MEI4: variants seen among roughly 807,000 people sequenced by gnomAD.
MEI4 encodes the protein meiotic double-stranded break formation protein 4.
Under a neutral mutation model 31.4 loss-of-function variants are expected in MEI4, and 27 were observed. That is an observed-to-expected ratio of 0.86 (90% CI 0.63 to 1.19). The LOEUF is 1.19. Ranked by LOEUF, MEI4 falls within the 50% of genes most tolerant of loss-of-function variation. The pLI is 0.00. For missense variants in MEI4, 329 were observed against 398.9 expected, an observed-to-expected ratio of 0.82 and a Z score of 1.49; for synonymous variants, 122 against 145.4, an observed-to-expected ratio of 0.84 and a Z score of 1.16.
At chr6:77,789,727 A>T (rs1210983564) in intron 3 of MEI4, among the ~76,000 whole-genome samples, 1 of 152,198 alleles carries the variant, frequency 6.6e-6, no homozygotes, top group Non-Finnish European at 1.5e-5. Context: ...ACCAGTTAGG[A>T]TGGCAATCAT....
chr6:77,750,974 T>C (rs932050942), intron 2 of MEI4, among the ~76,000 whole-genome samples: 12 of 152,118 alleles, frequency 7.9e-5, no homozygotes, highest in African/African-American at 2.4e-4. Context: ...CACTCAAAAC[T>C]GCACGACTGC....
In MEI4 at chr6:77,925,167, A is replaced by G. The variant is rs987239755; in HGVS notation, c.*1821A>G. 1.3e-5 allele frequency: 2 copies of G among 151,874 alleles called. No homozygotes were observed. Among genetic ancestry groups the G allele is most frequent in the African/African-American group, 4.8e-5 (2 of 41,392 alleles). The allele number at this position is 151,874 out of a possible 1,614,324, so 9.4% of individuals were successfully genotyped here. ...CAGCCAGCCAACGTAATGATCAGCT[A>G]AGAGACTTTTGGAGCTACAACAAAT... On this transcript the variant is annotated 3_prime_UTR_variant, in exon 5 of 5. Coordinates refer to ENST00000684080, the MANE Select transcript of MEI4 (RefSeq NM_001322247.2).
intron 2 of MEI4, among the ~76,000 whole-genome samples, chr6:77,736,518 A>G (rs1767236994): frequency 6.6e-6 from 1 of 151,922 alleles, no homozygotes; most frequent in South Asian, 2.1e-4. Context: ...GCACACACTG[A>G]CCTGCGCCCA....
chr6:77,666,410 C>T (rs1047312808), intron 1 of MEI4, among the ~76,000 whole-genome samples: 24 of 152,250 alleles, frequency 1.6e-4, no homozygotes, highest in African/African-American at 5.1e-4. Flanking sequence ...ACAGGGGATG[C>T]GATGGCTTGG....
At chr6:77,809,506 T>C (rs1769520383) in intron 3 of MEI4, among the ~76,000 whole-genome samples, 1 of 152,108 alleles carries the variant, frequency 6.6e-6, no homozygotes, top group African/African-American at 2.4e-5. Context: ...TTCTCTTATA[T>C]TTAGATTTTA....
At chr6:77,766,314 T>A (rs1210505792) in intron 3 of MEI4, among the ~76,000 whole-genome samples, 2 of 152,228 alleles carry the variant, frequency 1.3e-5, no homozygotes, top group East Asian at 3.8e-4. Context: ...TGATTCCCTC[T>A]AGTACTGTCG....
intron 4 of MEI4, among the ~76,000 whole-genome samples, chr6:77,883,744 A>ATATATATATATATATATAT (rs1491236242): frequency 1.2e-3 from 147 of 124,862 alleles, no homozygotes; most frequent in Non-Finnish European, 1.7e-3. Flanking sequence ...ATATATATAT[A>ATATATATATATATATATAT]ACTTTGTCTT....
intron 2 of MEI4, among the ~76,000 whole-genome samples, chr6:77,705,851 G>T: frequency 6.6e-6 from 1 of 152,184 alleles, no homozygotes; most frequent in East Asian, 1.9e-4. Context: ...TTAAATACAT[G>T]AGAGAATACC....
At chr6:77,826,255 A>G (rs1261319644) in intron 3 of MEI4, among the ~76,000 whole-genome samples, 8 of 152,204 alleles carry the variant, frequency 5.3e-5, no homozygotes, top group Non-Finnish European at 8.8e-5. Flanking sequence ...AGTTTATGGC[A>G]GGGCTAAATA....
intron 3 of MEI4, among the ~76,000 whole-genome samples, chr6:77,797,287 T>C (rs2127698541): frequency 6.6e-6 from 1 of 152,280 alleles, no homozygotes; most frequent in Middle Eastern, 3.4e-3. Flanking sequence ...TTGGCAGTGA[T>C]TTTTTGGATA....
At chr6:77,707,576 A>C (rs540794993) in intron 2 of MEI4, among the ~76,000 whole-genome samples, 17 of 152,328 alleles carry the variant, frequency 1.1e-4, no homozygotes, top group African/African-American at 3.8e-4. Flanking sequence ...TGCTTGACTA[A>C]AAGGGAGTCA....
intron 3 of MEI4, among the ~76,000 whole-genome samples, chr6:77,799,554 A>G (rs1017247862): frequency 6.6e-6 from 1 of 152,160 alleles, no homozygotes; most frequent in Admixed American, 6.5e-5. Context: ...TGTTTTAGAC[A>G]TGAAGTCATT....
chr6:77,761,933 C>T (rs935781628), intron 3 of MEI4, among the ~76,000 whole-genome samples: 2 of 152,158 alleles, frequency 1.3e-5, no homozygotes, highest in Non-Finnish European at 2.9e-5. Flanking sequence ...TATCAGCACC[C>T]TTGGATTCTT....
chr6:77,827,735 C>T (rs1231945088), intron 3 of MEI4, among the ~76,000 whole-genome samples: 3 of 152,060 alleles, frequency 2.0e-5, no homozygotes, highest in East Asian at 3.9e-4. Flanking sequence ...CCATGTCAGC[C>T]TTTCAAAAAA....
At chr6:77,823,055 A>T in intron 3 of MEI4, among the ~76,000 whole-genome samples, 1 of 152,270 alleles carries the variant, frequency 6.6e-6, no homozygotes, top group African/African-American at 2.4e-5. Flanking sequence ...TACATAACTA[A>T]TTTCAACTAT....
intron 4 of MEI4, among the ~76,000 whole-genome samples, chr6:77,893,489 T>C (rs998594435): frequency 2.0e-5 from 3 of 152,210 alleles, no homozygotes; most frequent in Non-Finnish European, 2.9e-5. Context: ...ATAACCGTCT[T>C]ATAGACATCT....
intron 4 of MEI4, among the ~76,000 whole-genome samples, chr6:77,908,846 A>G (rs1277061956): frequency 3.9e-5 from 6 of 152,128 alleles, no homozygotes; most frequent in African/African-American, 1.4e-4. Flanking sequence ...CCAGATTCAT[A>G]AAACAAGTCC....
chr6:77,827,332 G>A (rs1404356966), intron 3 of MEI4, among the ~76,000 whole-genome samples: 1 of 127,760 alleles, frequency 7.8e-6, no homozygotes, highest in Non-Finnish European at 1.6e-5. Context: ...CTGCACTCCA[G>A]CCTGGGTGAC....
chr6:77,734,298 A>T (rs953506853), intron 2 of MEI4, among the ~76,000 whole-genome samples: 40 of 152,108 alleles, frequency 2.6e-4, no homozygotes, highest in Middle Eastern at 3.4e-3. Context: ...TTGCTTTATG[A>T]ATCTGGGTGC....
Sources: gnomAD v4.1 joint callset for allele counts (sites outside exome capture counted in the v4.1 genomes callset) on GRCh38, gnomAD v4.1.1 for gene constraint, MANE v1.5 for transcripts, NCBI Gene and HGNC (gene_info 2026-07-23, HGNC 2026-07-21) for gene names.